The following DIP2A variants were observed in gnomAD, a reference collection of about 807,000 sequenced individuals.
DIP2A encodes the protein DIP2 acetate--CoA ligase A.
In DIP2A, 85 loss-of-function variants were observed where a neutral mutation model predicts 177.4. The observed-to-expected ratio is 0.48, with a 90% CI of 0.40 to 0.57. The LOEUF is 0.57. Ranked by LOEUF, DIP2A falls within the 20% of genes least tolerant of loss-of-function variation. The pLI is 0.00. For synonymous variants in DIP2A, 886 were observed against 881.8 expected (o/e 1.00, Z -0.08); for missense variants, 1,791 against 2,100.2 (o/e 0.85, Z 2.88).
chr21:46,465,159 A>G (rs1296260221), intron 1 of DIP2A, among the ~76,000 whole-genome samples: 2 of 152,100 alleles, frequency 1.3e-5, no homozygotes, highest in African/African-American at 2.4e-5. Context: ...CAGAACTTCC[A>G]TATCATTTGT....
chr21:46,560,632 C>A, intron 32 of DIP2A, 90 bp from the exon 33 acceptor site: 1 of 1,525,252 alleles, frequency 6.6e-7, no homozygotes, highest in Non-Finnish European at 8.9e-7. Flanking sequence ...CCCCGGGGGC[C>A]AGGGAGGAGC....
intron 6 of DIP2A, among the ~76,000 whole-genome samples, chr21:46,505,788 T>C (rs779793544): frequency 6.6e-5 from 10 of 152,208 alleles, no homozygotes; most frequent in Non-Finnish European, 1.3e-4. Flanking sequence ...ATAGATTAGA[T>C]TGCATTTTCT....
intron 8 of DIP2A, among the ~76,000 whole-genome samples, chr21:46,524,490 G>A (rs535814536): frequency 9.2e-5 from 14 of 152,208 alleles, no homozygotes; most frequent in South Asian, 2.1e-4. Context: ...CCTTTGGGTC[G>A]GGGGTCTCCT....
At chr21:46,486,617 A>G (rs2056715435) in intron 2 of DIP2A, among the ~76,000 whole-genome samples, 1 of 152,236 alleles carries the variant, frequency 6.6e-6, no homozygotes, top group South Asian at 2.1e-4. Context: ...ATAGCCAATG[A>G]GCAAATGTAA....
intron 1 of DIP2A, among the ~76,000 whole-genome samples, chr21:46,473,772 TC>T (rs1488034219): frequency 6.6e-6 from 1 of 152,144 alleles, no homozygotes; most frequent in Non-Finnish European, 1.5e-5. Context: ...CACTTCGGCC[TC>T]CCAAAGTGCT....
Position 46,537,569 on chromosome 21 carries a change from C to T in DIP2A, c.1801+30C>T. The T allele has an allele frequency of 1.2e-6, 2 of 1,600,810 alleles. No homozygotes were observed. Among genetic ancestry groups the T allele is most frequent in the South Asian group, 2.2e-5 (2 of 90,384 alleles). Reference sequence around the variant, plus strand: ...CGGATACCATGGTCAGGGCCTTCACCCTTCTTTAGGGAAATCTCTTTGAAC... The same window carrying T: ...CGGATACCATGGTCAGGGCCTTCACTCTTCTTTAGGGAAATCTCTTTGAAC... On this transcript the variant is annotated intron_variant, in intron 15 of 37. Coordinates refer to ENST00000417564, the MANE Select transcript of DIP2A (RefSeq NM_015151.4). This position sits in a 1 kb window ranked among gnomAD's most constrained non-coding sequence, Gnocchi z 4.1.
At chr21:46,567,327 C>T (rs758497099) in intron 37 of DIP2A, 43 bp from the exon 38 acceptor site, 40 of 1,581,418 alleles carry the variant, frequency 2.5e-5, no homozygotes, top group Non-Finnish European at 3.4e-5. Context: ...CCCCTGTGAC[C>T]TGTGCCTGTA....
In DIP2A at chr21:46,554,658, C is replaced by T. The variant is rs1271396643; in HGVS notation, c.3238C>T (p.Leu1080Phe). Residue 1080 changes from leucine to phenylalanine, a missense_variant, in exon 27 of 38, where the codon CTC becomes TTC. Physicochemically the swap from Leu to Phe is conservative, Grantham distance 22. Coordinates refer to ENST00000417564, the MANE Select transcript of DIP2A (RefSeq NM_015151.4). Reference protein sequence around the residue: ...VTVRPPHPQNLGTTLPTVKMI... With the variant: ...VTVRPPHPQNFGTTLPTVKMI... ...CGTGCGGCCCCCGCACCCTCAGAAC[C>T]TCGGCACCACACTGCCCACCGTCAA... The T allele has an allele frequency of 1.3e-6, 2 of 1,585,026 alleles. No individual in the cohort carries two copies. Among genetic ancestry groups the T allele is most frequent in the African/African-American group, 1.3e-5 (1 of 74,376 alleles).
At chr21:46,558,950 TTAGC>T (rs1354242188) in intron 32 of DIP2A, 1 of 158,260 alleles carries the variant, frequency 6.3e-6, no homozygotes, top group Non-Finnish European at 1.4e-5. Context: ...AATACAAAAA[TTAGC>T]TGGCTGGTGG....
At chr21:46,524,431 A>C (rs1156820231) in intron 8 of DIP2A, among the ~76,000 whole-genome samples, 2 of 152,126 alleles carry the variant, frequency 1.3e-5, no homozygotes, top group African/African-American at 4.8e-5. Flanking sequence ...ACCCTGGTAA[A>C]TGCACCCCAC....
chr21:46,528,551 T>TTTTTTTTTTTTTTTTTTTTTTG (rs2059215012), intron 8 of DIP2A, among the ~76,000 whole-genome samples: 1 of 112,412 alleles, frequency 8.9e-6, no homozygotes, highest in Non-Finnish European at 1.9e-5. Flanking sequence ...TTTTTTTTTT[T>TTTTTTTTTTTTTTTTTTTTTTG]TTTTTTTTTT....
At chr21:46,478,749 T>A (rs896175943) in intron 1 of DIP2A, among the ~76,000 whole-genome samples, 3 of 120,406 alleles carry the variant, frequency 2.5e-5, no homozygotes, top group African/African-American at 1.2e-4. Flanking sequence ...AGAATTTATG[T>A]TTTTTTTTTT....
chr21:46,471,007 TA>T, intron 1 of DIP2A, among the ~76,000 whole-genome samples: 1 of 152,146 alleles, frequency 6.6e-6, no homozygotes, highest in Non-Finnish European at 1.5e-5. Flanking sequence ...GGAAATGAAT[TA>T]GGGTTAAGTT....
downstream of DIP2A, among the ~76,000 whole-genome samples, chr21:46,573,713 G>GAGC (rs1463866554): frequency 7.3e-6 from 1 of 136,976 alleles, no homozygotes; most frequent in Non-Finnish European, 1.6e-5. Flanking sequence ...AATCAACAGG[G>GAGC]AGCAGAGGTA....
At chr21:46,503,526 A>G (rs991333906) in intron 5 of DIP2A, among the ~76,000 whole-genome samples, 3 of 151,704 alleles carry the variant, frequency 2.0e-5, no homozygotes, top group Non-Finnish European at 4.4e-5. Context: ...AAAATGTACC[A>G]GTGACAATTG....
chr21:46,549,126 T>TTGTG (rs142993944), intron 21 of DIP2A, among the ~76,000 whole-genome samples: 2 of 150,926 alleles, frequency 1.3e-5, no homozygotes, highest in East Asian at 1.9e-4. Context: ...GTTGTGTAAA[T>TTGTG]TGTGTGTGTG....
chr21:46,486,070 C>CA (rs1174271396), intron 2 of DIP2A, among the ~76,000 whole-genome samples: 68 of 60,004 alleles, frequency 1.1e-3, no homozygotes, highest in East Asian at 1.8e-3. Context: ...GACTTCATCT[C>CA]AAAAAAAAAA....
chr21:46,524,909 CAG>C (rs1235690311), intron 8 of DIP2A, among the ~76,000 whole-genome samples: 1 of 66,414 alleles, frequency 1.5e-5, no homozygotes, highest in Non-Finnish European at 2.7e-5. Context: ...TTTTTTGAGA[CAG>C]AGTCTTACTC....
the DIP2A span, among the ~76,000 whole-genome samples, chr21:46,579,440 GTC>G: frequency 6.6e-6 from 1 of 151,736 alleles, no homozygotes; most frequent in African/African-American, 2.4e-5. Context: ...GGTTTTTCAC[GTC>G]TCTGTTTCCT....
Sources: gnomAD v4.1 joint callset for allele counts (sites outside exome capture counted in the v4.1 genomes callset) on GRCh38, gnomAD v4.1.1 for gene constraint, Gnocchi (gnomAD v3.1) non-coding constraint, MANE v1.5 for transcripts, NCBI Gene and HGNC (gene_info 2026-07-23, HGNC 2026-07-21) for gene names.